The following MIA3 variants were observed in gnomAD, a reference collection of about 807,000 sequenced individuals.
MIA3 encodes transport and Golgi organization protein 1 homolog.
In MIA3, 90 loss-of-function variants were observed where a neutral mutation model predicts 192.4. That is an observed-to-expected ratio of 0.47 (90% CI 0.39 to 0.56). MIA3 has a LOEUF of 0.56. Ranked by LOEUF, MIA3 falls within the 20% of genes least tolerant of loss-of-function variation. The probability of loss-of-function intolerance (pLI) is 0.00; values close to 1 mark genes in which losing one functional copy is unlikely to be tolerated. For synonymous variants in MIA3, 740 were observed against 792.8 expected (o/e 0.93, Z 1.12); for missense variants, 2,123 against 2,269.4 (o/e 0.94, Z 1.31).
In MIA3 at chr1:222,667,409, T is replaced by C. The variant is rs547059329; in HGVS notation, c.*1790T>C. On this transcript the variant is annotated 3_prime_UTR_variant, in exon 28 of 28. Transcript: ENST00000344922. ...ACACAAAACAATGCTGAAGTTAATA[T>C]AATTTCTAATTTTAAATGTCATTTA... 2 of 152,346 alleles carry C rather than the reference T, an allele frequency of 1.3e-5. No individual in the cohort carries two copies. The highest frequency in any genetic ancestry group is 2.9e-5 in the Non-Finnish European group (2 of 68,028). The allele number at this position is 152,346 out of a possible 1,614,324, so 9.4% of individuals were successfully genotyped here.
At chr1:222,663,968 T>C in intron 26 of MIA3, 30 bp from the exon 27 acceptor site, 1 of 1,587,228 alleles carries the variant, frequency 6.3e-7, no homozygotes, top group Non-Finnish European at 8.6e-7. Context: ...ACCATAGTAT[T>C]TCAAAACTTC....
At chr1:222,626,625 T>TA (rs1662132735) in intron 3 of MIA3, among the ~76,000 whole-genome samples, 1 of 152,226 alleles carries the variant, frequency 6.6e-6, no homozygotes, top group Non-Finnish European at 1.5e-5. Context: ...AAGCAGATCT[T>TA]AGTGACTGGC....
intron 1 of MIA3, among the ~76,000 whole-genome samples, chr1:222,619,405 C>G (rs1661759382): frequency 6.6e-6 from 1 of 152,304 alleles, no homozygotes; most frequent in Admixed American, 6.5e-5. Context: ...TATTTATATT[C>G]AAATTGATGT....
chr1:222,633,246 G>A lies in MIA3; in HGVS notation c.3474G>A (p.Lys1158=). The A allele has an allele frequency of 6.3e-7, 1 of 1,599,240 alleles. No homozygotes were observed. Among genetic ancestry groups the A allele is most frequent in the Non-Finnish European group, 8.5e-7 (1 of 1,174,354 alleles). Residue 1158 remains lysine (K), a synonymous_variant, in exon 6 of 28, where the codon AAG becomes AAA. Coordinates refer to ENST00000344922, the MANE Select transcript of MIA3 (RefSeq NM_198551.4). ...LIYSFMFYLT[K]SLVATLPDDV... ...ATTCATTCATGTTTTATTTAACTAAGTCGGTAAGTTTAACATAGTTTTTTT... is the reference window on the plus strand; with the variant it reads ...ATTCATTCATGTTTTATTTAACTAAATCGGTAAGTTTAACATAGTTTTTTT...
chr1:222,619,465 A>G, intron 1 of MIA3, among the ~76,000 whole-genome samples: 1 of 152,264 alleles, frequency 6.6e-6, no homozygotes, highest in East Asian at 1.9e-4. Flanking sequence ...CTACAACACT[A>G]ATCAAGAAAA....
intron 24 of MIA3, chr1:222,660,654 G>A (rs989787910): frequency 1.7e-5 from 3 of 178,018 alleles, no homozygotes; most frequent in Non-Finnish European, 3.5e-5. Context: ...CTTCTATGCA[G>A]ATTTTTTTCA....
chr1:222,618,218 ACT>A lies in MIA3; in HGVS notation c.111_112del (p.Cys38ArgfsTer13). On this transcript the variant is annotated frameshift_variant, in exon 1 of 28. Transcript: ENST00000344922. LOFTEE classifies it high-confidence loss of function. ...STGRRFSEHK[L>X]CADDECSMLM... ...CTGGCCGGCGGTTCTCGGAGCACAAACTCTGCGCGGACGACGAATGCAGCAGT... is the reference window on the plus strand; with the variant it reads ...CTGGCCGGCGGTTCTCGGAGCACAAACTGCGCGGACGACGAATGCAGCAGT... 4 of 1,487,168 alleles carry A rather than the reference ACT, an allele frequency of 2.7e-6. No individual in the cohort carries two copies. Among genetic ancestry groups the A allele is most frequent in the East Asian group, 3.0e-5 (1 of 33,838 alleles). The allele number at this position is 1,487,168 out of a possible 1,614,324, so 92.1% of individuals were successfully genotyped here.
intron 7 of MIA3, among the ~76,000 whole-genome samples, chr1:222,647,389 G>A (rs1360678730): frequency 1.3e-5 from 2 of 152,094 alleles, no homozygotes; most frequent in African/African-American, 4.8e-5. Context: ...AGTTAAAATG[G>A]CCAAAATTAT....
At position 222,649,877 on chromosome 1, in the gene MIA3, G is replaced by A. The variant is rs2124900907; in HGVS notation, c.3632-415G>A. On this transcript the variant is annotated intron_variant, in intron 8 of 27. Coordinates refer to ENST00000344922, the MANE Select transcript of MIA3 (RefSeq NM_198551.4). ...TCTGCTTCTGAGGAGGCCTCAGGGA[G>A]CTTTTACTCACAGCAGAAGGCAAAG... The A allele has an allele frequency of 2.0e-5, 4 of 198,868 alleles. No individual in the cohort carries two copies. In the South Asian group the frequency reaches 3.3e-4, roughly 16 times the overall value. 12.3% of individuals were successfully genotyped at this position (198,868 alleles called of 1,614,324 possible).
At position 222,627,724 on chromosome 1, in the gene MIA3, C is replaced by T; in HGVS notation, c.504C>T (p.Asn168=). The change falls in exon 4 of 28, where the codon AAC becomes AAT. Residue 168 remains asparagine, a synonymous_variant. Coordinates refer to ENST00000344922, the MANE Select transcript of MIA3 (RefSeq NM_198551.4). ...VEKTLQDMEK[N]PELSKEREPE... Reference sequence around the variant, plus strand: ...AAACTTTACAGGATATGGAAAAAAACCCTGAATTATCTAAGGAAAGGGAAC... The same window carrying T: ...AAACTTTACAGGATATGGAAAAAAATCCTGAATTATCTAAGGAAAGGGAAC... 6.2e-7 allele frequency: 1 copy of T among 1,613,368 alleles called. No homozygotes were observed. The highest frequency in any genetic ancestry group is 1.1e-5 in the South Asian group (1 of 90,856).
At chr1:222,625,691 T>C (rs1460849451) in intron 3 of MIA3, among the ~76,000 whole-genome samples, 1 of 152,234 alleles carries the variant, frequency 6.6e-6, no homozygotes, top group East Asian at 1.9e-4. Flanking sequence ...TAGTGCACAA[T>C]GGCTTCGTGA....
chr1:222,619,696 T>G lies in MIA3; in HGVS notation c.133+1453T>G, dbSNP rs558938999. On this transcript the variant is annotated intron_variant, in intron 1 of 27. Transcript: ENST00000344922. Reference sequence around the variant, plus strand: ...TCCTCAAAACAGGTTACCTGGAGAATCATCACATCACTGATGCTTCTTCAG... The same window carrying G: ...TCCTCAAAACAGGTTACCTGGAGAAGCATCACATCACTGATGCTTCTTCAG... Among the ~76,000 whole-genome samples, 4 of 152,380 alleles carry G rather than the reference T, an allele frequency of 2.6e-5. No homozygotes were observed. The South Asian group carries it at 8.3e-4, about 32-fold the overall frequency.
At chr1:222,663,860 G>T in intron 26 of MIA3, 138 bp from the exon 27 acceptor site, 1 of 772,118 alleles carries the variant, frequency 1.3e-6, no homozygotes. Flanking sequence ...AATGAGAGGG[G>T]TAGAGTTTTT....
chr1:222,652,289 G>A lies in MIA3; in HGVS notation c.4043G>A (p.Arg1348Gln), dbSNP rs551132197. 8.7e-6 allele frequency: 14 copies of A among 1,613,734 alleles called. No individual in the cohort carries two copies. The highest frequency in any genetic ancestry group is 5.0e-5 in the Admixed American group (3 of 59,992). The stretch of plus-strand genomic sequence containing the variant: ...GAGAAGGTGAAGTCTGAATGCCATC[G>A]GGTTCAAGAAGAAAATGCTAGGCTT... ...SEEKVKSECH[R>Q]VQEENARLKK... is the part of the protein sequence containing the mutation. Residue 1348 changes from arginine (R) to glutamine (Q), a missense_variant, in exon 13 of 28, where the codon CGG (arginine) becomes CAG (glutamine). By Grantham distance (43) the Arg-to-Gln change is conservative. Coordinates refer to ENST00000344922, the MANE Select transcript of MIA3 (RefSeq NM_198551.4).
intron 8 of MIA3, 193 bp from the exon 9 acceptor site, chr1:222,650,098 TG>T: frequency 1.7e-6 from 1 of 586,640 alleles, no homozygotes; most frequent in African/African-American, 1.9e-5. Context: ...ACCTGAACAC[TG>T]GGTACTATAA....
At position 222,666,536 on chromosome 1, in the gene MIA3, T is replaced by G. The variant is rs185466001; in HGVS notation, c.*917T>G. The G allele has an allele frequency of 6.6e-6, 1 of 152,044 alleles. No homozygotes were observed. The highest frequency in any genetic ancestry group is 6.5e-5 in the Admixed American group (1 of 15,284). 9.4% of individuals were successfully genotyped at this position (152,044 alleles called of 1,614,324 possible). A position where few individuals can be genotyped will look rare whatever the true frequency, so the allele number is the denominator to read the frequency against. ...TCTTTAAAAATTTTAAAATGTACAGTCCCTTATCTATCTTTCCCATTCCTT... is the reference window on the plus strand; with the variant it reads ...TCTTTAAAAATTTTAAAATGTACAGGCCCTTATCTATCTTTCCCATTCCTT... On this transcript the variant is annotated 3_prime_UTR_variant, in exon 28 of 28. Transcript: ENST00000344922.
At chr1:222,648,718 A>G (rs1663272402) in intron 7 of MIA3, 111 bp from the exon 8 acceptor site, 2 of 723,164 alleles carry the variant, frequency 2.8e-6, no homozygotes, top group East Asian at 2.8e-5. Context: ...TGCTAAACCA[A>G]AGTTTTATTA....
At chr1:222,664,273 G>A (rs1361463671) in intron 27 of MIA3, 125 bp downstream of exon 27, 23 of 1,015,148 alleles carry the variant, frequency 2.3e-5, no homozygotes, top group Admixed American at 1.5e-4. Context: ...TGAGTACACC[G>A]TAACTTTTCC....
intron 19 of MIA3, 109 bp from the exon 20 acceptor site, chr1:222,659,344 G>T: frequency 1.1e-6 from 1 of 888,696 alleles, no homozygotes; most frequent in Non-Finnish European, 1.8e-6. Flanking sequence ...TTATATTTCT[G>T]GATAAGCTCT....
Sources: allele counts gnomAD v4.1 joint callset (sites outside exome capture counted in the v4.1 genomes callset), GRCh38; gene constraint gnomAD v4.1.1; transcripts MANE v1.5; gene names NCBI Gene and HGNC (gene_info 2026-07-23, HGNC 2026-07-21).